Variants in PKP2 observed in about 807,000 individuals in gnomAD.
PKP2 encodes plakophilin-2.
A neutral mutation model predicts 83.4 loss-of-function variants in PKP2; 73 were observed. The ratio of observed to expected loss-of-function variants is 0.88; its 90% CI spans 0.72 to 1.06. The LOEUF is 1.06. PKP2 is among the 50% of genes least tolerant of loss of function. The pLI is 0.00. For missense variants in PKP2, 966 were observed against 1,065.4 expected, an observed-to-expected ratio of 0.91 and a Z score of 1.30; for synonymous variants, 409 against 430.4, an observed-to-expected ratio of 0.95 and a Z score of 0.62.
At chr12:32,822,946 C>T (rs573615053) in intron 7 of PKP2, among the ~76,000 whole-genome samples, 1 of 152,258 alleles carries the variant, frequency 6.6e-6, no homozygotes, top group South Asian at 2.1e-4. Flanking sequence ...GGAGGAGATA[C>T]TGTTTATAGG....
intron 8 of PKP2, among the ~76,000 whole-genome samples, chr12:32,822,195 T>C (rs935034145): frequency 4.6e-5 from 7 of 152,322 alleles, no homozygotes; most frequent in African/African-American, 1.2e-4. Flanking sequence ...TGGGTAGCAA[T>C]GAAAATCTGG....
Position 32,802,409 on chromosome 12 carries a change from C to G in PKP2, c.2161G>C (p.Glu721Gln), listed in dbSNP as rs368986542. 1 of 1,613,968 alleles carries G rather than the reference C, an allele frequency of 6.2e-7. No homozygotes were observed. Among genetic ancestry groups the G allele is most frequent in the African/African-American group, 1.3e-5 (1 of 74,924 alleles). ...NLSRNLSLQN[E>Q]IAKETLPDLV... Reference sequence around the variant, plus strand: ...GATACTTATACCGACTCACCAATTTCATTCTGCAGAGAAAGATTCCGGGAC... The same window carrying G: ...GATACTTATACCGACTCACCAATTTGATTCTGCAGAGAAAGATTCCGGGAC... The change falls in exon 10 of 13, where the codon GAA (glutamate) becomes CAA (glutamine). Residue 721 changes from glutamate (E) to glutamine (Q), a missense_variant. By Grantham distance (29) the Glu-to-Gln change is conservative. Transcript: ENST00000340811.
intron 5 of PKP2, among the ~76,000 whole-genome samples, chr12:32,849,552 A>G (rs535091329): frequency 6.6e-6 from 1 of 152,324 alleles, no homozygotes; most frequent in East Asian, 1.9e-4. Flanking sequence ...TGCAGGGAAC[A>G]CAAGCGGAGA....
At chr12:32,823,535 T>A (rs1417206109) in intron 7 of PKP2, among the ~76,000 whole-genome samples, 1 of 151,532 alleles carries the variant, frequency 6.6e-6, no homozygotes, top group Non-Finnish European at 1.5e-5. Flanking sequence ...CTTTCAAATA[T>A]CCACATAGTG....
At chr12:32,874,225 A>C (rs1471071852) in intron 3 of PKP2, among the ~76,000 whole-genome samples, 1 of 152,152 alleles carries the variant, frequency 6.6e-6, no homozygotes, top group Non-Finnish European at 1.5e-5. Context: ...TCCCCCCCAA[A>C]AAAGGGCTGG....
intron 12 of PKP2, 67 bp from the exon 13 acceptor site, chr12:32,792,559 A>C: frequency 1.3e-6 from 2 of 1,561,642 alleles, no homozygotes; most frequent in Non-Finnish European, 1.8e-6. Flanking sequence ...GCAGTTTTTT[A>C]GCGATTTCTT....
intron 3 of PKP2, among the ~76,000 whole-genome samples, chr12:32,871,475 A>AT (rs1198673358): frequency 6.8e-6 from 1 of 146,866 alleles, no homozygotes; most frequent in African/African-American, 2.5e-5. Context: ...TTTTTTTTTT[A>AT]TTTTTTTTGA....
intron 7 of PKP2, among the ~76,000 whole-genome samples, chr12:32,823,379 T>C (rs1284650838): frequency 7.3e-6 from 1 of 137,590 alleles, no homozygotes; most frequent in Non-Finnish European, 1.5e-5. Flanking sequence ...ATCGCACCAC[T>C]GCACTCCAGC....
In PKP2 at chr12:32,850,816, A is replaced by G. The variant is rs1314470423; in HGVS notation, c.1328T>C (p.Leu443Pro). ...VAELNGVPRL[L>P]QVLKQTRDLE... ...GTCTCTGGTTTGCTTCAGCACCTGG[A>G]GCAGCCGAGGTACCCCATTTAGTTC... The change falls in exon 5 of 13, where the codon CTC becomes CCC. Residue 443 changes from leucine to proline, a missense_variant. Physicochemically the swap from Leu to Pro is moderately conservative, Grantham distance 98. Coordinates refer to ENST00000340811, the MANE Select transcript of PKP2 (RefSeq NM_001005242.3). 2 of 1,613,542 alleles carry G rather than the reference A, an allele frequency of 1.2e-6. No individual in the cohort carries two copies. Among genetic ancestry groups the G allele is most frequent in the Non-Finnish European group, 1.7e-6 (2 of 1,179,836 alleles).
chr12:32,796,533 C>T (rs1956126775), intron 10 of PKP2, among the ~76,000 whole-genome samples: 1 of 152,092 alleles, frequency 6.6e-6, no homozygotes, highest in Non-Finnish European at 1.5e-5. Flanking sequence ...CAGGCACCCG[C>T]CACCACGCCT....
At chr12:32,858,064 C>CAAAAAA (rs777690496) in intron 4 of PKP2, among the ~76,000 whole-genome samples, 6 of 27,390 alleles carry the variant, frequency 2.2e-4, no homozygotes, top group African/African-American at 5.2e-4. Context: ...CCCATCTCTA[C>CAAAAAA]AAAAAAAAAA....
At chr12:32,884,553 C>T (rs564656517) in intron 1 of PKP2, among the ~76,000 whole-genome samples, 83 of 152,248 alleles carry the variant, frequency 5.5e-4, no homozygotes, top group Non-Finnish European at 1.1e-3. Context: ...ATTTGTTATG[C>T]TTTTCTCTTT....
chr12:32,801,903 CCTT>C (rs1285577924), intron 10 of PKP2, among the ~76,000 whole-genome samples: 1 of 152,048 alleles, frequency 6.6e-6, no homozygotes, highest in Non-Finnish European at 1.5e-5. Flanking sequence ...TTCAGTGACT[CCTT>C]GTCTTTTTAT....
At chr12:32,838,437 T>TACC (rs1400513819) in intron 6 of PKP2, among the ~76,000 whole-genome samples, 1 of 151,856 alleles carries the variant, frequency 6.6e-6, no homozygotes, top group Non-Finnish European at 1.5e-5. Flanking sequence ...TCACGCAATG[T>TACC]ACCTGTGTGA....
chr12:32,809,939 T>C (rs74939051), intron 9 of PKP2, among the ~76,000 whole-genome samples: 2,796 of 152,354 alleles, frequency 0.018, 45 homozygotes, highest in South Asian at 0.044. Flanking sequence ...GATATTTCAG[T>C]TGAAGGTGCT....
At chr12:32,821,851 C>T (rs1956382281) in intron 8 of PKP2, 1 of 341,672 alleles carries the variant, frequency 2.9e-6, no homozygotes, top group African/African-American at 2.1e-5. Flanking sequence ...TTAGTCACAA[C>T]CACCCTGTAG....
chr12:32,837,112 G>A (rs1207680367), intron 6 of PKP2, among the ~76,000 whole-genome samples: 1 of 152,204 alleles, frequency 6.6e-6, no homozygotes, highest in Admixed American at 6.5e-5. Context: ...CTGAAATGCT[G>A]ATACAGTGCC....
intron 3 of PKP2, among the ~76,000 whole-genome samples, chr12:32,874,047 G>A (rs1430633219): frequency 6.6e-6 from 1 of 152,108 alleles, no homozygotes; most frequent in Non-Finnish European, 1.5e-5. Flanking sequence ...TCAGTTTTTA[G>A]CTGCATTAGT....
intron 9 of PKP2, among the ~76,000 whole-genome samples, chr12:32,808,566 T>C (rs1271220675): frequency 6.6e-6 from 1 of 152,222 alleles, no homozygotes; most frequent in Admixed American, 6.5e-5. Flanking sequence ...TCCGAGGCCT[T>C]GCTGGAGAGG....
Sources: gnomAD v4.1 joint callset for allele counts (sites outside exome capture counted in the v4.1 genomes callset) on GRCh38, gnomAD v4.1.1 for gene constraint, MANE v1.5 for transcripts, NCBI Gene and HGNC (gene_info 2026-07-23, HGNC 2026-07-21) for gene names.